The following FGD6 variants were observed in gnomAD, a reference collection of about 807,000 sequenced individuals.
FGD6 encodes the protein FYVE, RhoGEF and PH domain containing 6.
Under a neutral mutation model 149.4 loss-of-function variants are expected in FGD6, and 90 were observed. That is an observed-to-expected ratio of 0.60 (90% CI 0.51 to 0.72). FGD6 has a LOEUF of 0.72. FGD6 is among the 30% of genes least tolerant of loss of function. The pLI is 0.00. For synonymous variants in FGD6, 527 were observed against 584.0 expected, an observed-to-expected ratio of 0.90 and a Z score of 1.41; for missense variants, 1,437 against 1,684.8, an observed-to-expected ratio of 0.85 and a Z score of 2.57.
At chr12:95,216,045 T>C (rs1399651387) in intron 1 of FGD6, among the ~76,000 whole-genome samples, 1 of 152,252 alleles carries the variant, frequency 6.6e-6, no homozygotes, top group Non-Finnish European at 1.5e-5. Context: ...ATATCTCATA[T>C]AAGTGCATAT....
intron 18 of FGD6, among the ~76,000 whole-genome samples, chr12:95,086,146 G>A (rs2043368): frequency 0.37 from 56,634 of 151,976 alleles, 11,071 homozygotes; most frequent in East Asian, 0.41. Flanking sequence ...GTGCCTGCAC[G>A]TGTTTGCGTA....
chr12:95,134,799 G>C lies in FGD6; in HGVS notation c.3022C>G (p.Leu1008Val). 6.2e-7 allele frequency: 1 copy of C among 1,613,818 alleles called. No individual in the cohort carries two copies. The highest frequency in any genetic ancestry group is 8.5e-7 in the Non-Finnish European group (1 of 1,179,906). ...EMSPRCANLA[L>V]KHYLLKPVQR... is the part of the protein sequence containing the mutation. ...ACCGGCTTGAGCAGGTAGTGCTTGA[G>C]GGCCAGATTAGCACAGCGAGGGCTC... The change falls in exon 8 of 21, where the codon CTC becomes GTC. Residue 1008 changes from leucine to valine, a missense_variant. Physicochemically the swap from Leu to Val is conservative, Grantham distance 32. This residue lies in a region of FGD6 where 382 missense variants were observed against 538.7 expected (regional missense o/e 0.71). Coordinates refer to ENST00000343958, the MANE Select transcript of FGD6 (RefSeq NM_018351.4).
chr12:95,085,704 T>C (rs1877843588), intron 19 of FGD6, 76 bp downstream of exon 19: 8 of 1,455,028 alleles, frequency 5.5e-6, no homozygotes, highest in East Asian at 2.4e-5. Flanking sequence ...AATAAATGGA[T>C]TTTTAAAATA....
intron 8 of FGD6, chr12:95,126,418 T>C (rs1879339064): frequency 8.1e-7 from 1 of 1,241,956 alleles, no homozygotes; most frequent in Admixed American, 2.9e-5. Flanking sequence ...ACAATAAAGG[T>C]TCTTTAAAAA....
intron 14 of FGD6, among the ~76,000 whole-genome samples, chr12:95,100,374 G>A (rs1878384785): frequency 6.6e-6 from 1 of 152,118 alleles, no homozygotes; most frequent in South Asian, 2.1e-4. Context: ...ACTAAAGTTA[G>A]TTTGACTCAG....
At chr12:95,154,245 C>T (rs867354662) in intron 3 of FGD6, among the ~76,000 whole-genome samples, 13 of 152,050 alleles carry the variant, frequency 8.5e-5, no homozygotes, top group Admixed American at 3.9e-4. Context: ...CAGGTGTGAG[C>T]CACTGTGCCC....
intron 7 of FGD6, among the ~76,000 whole-genome samples, chr12:95,136,602 A>G (rs56713157): frequency 0.19 from 29,411 of 152,190 alleles, 3,075 homozygotes; most frequent in Non-Finnish European, 0.21. Context: ...TGAACAGGTT[A>G]TTACTTTTTC....
intron 5 of FGD6, among the ~76,000 whole-genome samples, chr12:95,142,450 C>T (rs547929081): frequency 8.1e-4 from 123 of 152,004 alleles, no homozygotes; most frequent in Non-Finnish European, 1.6e-3. Context: ...GCCCATTTTT[C>T]TATTTTTTGT....
chr12:95,133,002 G>A (rs1879567938), intron 8 of FGD6, among the ~76,000 whole-genome samples: 3 of 152,312 alleles, frequency 2.0e-5, no homozygotes, highest in Admixed American at 2.0e-4. Context: ...TTTGTCCTGT[G>A]TATTCTAAAT....
At position 95,088,156 on chromosome 12, in the gene FGD6, A is replaced by G. The variant is rs1854534631; in HGVS notation, c.3978+1413T>C. Among the ~76,000 whole-genome samples, 3 of 152,236 alleles carry G rather than the reference A, an allele frequency of 2.0e-5. No individual in the cohort carries two copies. The South Asian group carries it at 6.2e-4, about 31-fold the overall frequency. On this transcript the variant is annotated intron_variant, in intron 18 of 20. Coordinates refer to ENST00000343958, the MANE Select transcript of FGD6 (RefSeq NM_018351.4). ...TGACTAGACCTATATTTTCAAAGATAAAACTGGTGTTCACCAACTTAATCA... is the reference window on the plus strand; with the variant it reads ...TGACTAGACCTATATTTTCAAAGATGAAACTGGTGTTCACCAACTTAATCA...
intron 2 of FGD6, among the ~76,000 whole-genome samples, chr12:95,175,697 G>A (rs1881113466): frequency 6.6e-6 from 1 of 151,802 alleles, no homozygotes; most frequent in African/African-American, 2.4e-5. Context: ...GTACTCAGGA[G>A]GCTGAGGTAG....
intron 2 of FGD6, among the ~76,000 whole-genome samples, chr12:95,194,098 A>C (rs1416284555): frequency 2.0e-5 from 3 of 151,012 alleles, no homozygotes; most frequent in Admixed American, 2.0e-4. Flanking sequence ...CACGTTTTTA[A>C]ATTTTTTGTA....
chr12:95,164,986 TAAGA>T (rs1256519445), intron 3 of FGD6, among the ~76,000 whole-genome samples: 2 of 152,040 alleles, frequency 1.3e-5, no homozygotes, highest in African/African-American at 4.8e-5. Context: ...AATCAATATA[TAAGA>T]AAGATGAAGA....
At chr12:95,090,297 A>T (rs542718980) in intron 17 of FGD6, among the ~76,000 whole-genome samples, 188 of 152,082 alleles carry the variant, frequency 1.2e-3, no homozygotes, top group Non-Finnish European at 2.4e-3. Context: ...AGGCCAGATT[A>T]AAAAAAAGGG....
chr12:95,165,544 G>T (rs1249510452), intron 3 of FGD6, among the ~76,000 whole-genome samples: 1 of 150,664 alleles, frequency 6.6e-6, no homozygotes, highest in Non-Finnish European at 1.5e-5. Flanking sequence ...CTCCATGGTG[G>T]TCAGGCTGGT....
intron 3 of FGD6, among the ~76,000 whole-genome samples, chr12:95,168,599 GT>G (rs1880895191): frequency 6.6e-6 from 1 of 151,354 alleles, no homozygotes; most frequent in Admixed American, 6.6e-5. Context: ...GGAAGCAGAG[GT>G]TGCAGTGAGC....
At chr12:95,133,828 TTCAATAAGCCTG>T (rs1207633399) in intron 8 of FGD6, among the ~76,000 whole-genome samples, 1 of 152,190 alleles carries the variant, frequency 6.6e-6, no homozygotes, top group Non-Finnish European at 1.5e-5. Context: ...ACCACTTAAT[TTCAATAAGCCTG>T]TTATCTCATC....
chr12:95,141,116 G>A (rs528440634), intron 6 of FGD6, among the ~76,000 whole-genome samples: 222 of 151,912 alleles, frequency 1.5e-3, no homozygotes, highest in African/African-American at 4.9e-3. Flanking sequence ...CCAGCTACTC[G>A]GGAGGCTGAG....
At chr12:95,135,596 G>A (rs1455168403) in intron 7 of FGD6, among the ~76,000 whole-genome samples, 1 of 152,138 alleles carries the variant, frequency 6.6e-6, no homozygotes, top group African/African-American at 2.4e-5. Flanking sequence ...TTACTGTGAG[G>A]TGGCATCAAA....
Sources: gnomAD v4.1 joint callset for allele counts (sites outside exome capture counted in the v4.1 genomes callset) on GRCh38, gnomAD v4.1.1 for gene constraint, gnomAD v4.1.1 regional missense constraint, MANE v1.5 for transcripts, NCBI Gene and HGNC (gene_info 2026-07-23, HGNC 2026-07-21) for gene names.